The following SEC22B variants were observed in gnomAD, a reference collection of about 807,000 sequenced individuals.
SEC22B encodes the protein vesicle-trafficking protein SEC22b.
SEC22B carries 10 observed loss-of-function variants against 31.4 expected under a neutral mutation model. The observed-to-expected ratio is 0.32, with a 90% CI of 0.20 to 0.54. The LOEUF (loss-of-function observed/expected upper bound fraction) is 0.54. Ranked by LOEUF, SEC22B falls within the 20% of genes least tolerant of loss-of-function variation. The pLI, the probability that SEC22B is intolerant of heterozygous loss-of-function variation, is 0.94. For synonymous variants in SEC22B, 60 were observed against 95.9 expected, an observed-to-expected ratio of 0.63 and a Z score of 2.19; for missense variants, 130 against 263.4, an observed-to-expected ratio of 0.49 and a Z score of 3.50.
chr1:120,172,954 T>G (rs1657912518), intron 1 of SEC22B, among the ~76,000 whole-genome samples: 1 of 149,858 alleles, frequency 6.7e-6, no homozygotes, highest in South Asian at 2.1e-4. Flanking sequence ...CCACAATACT[T>G]TTCGTTGCTG....
chr1:120,175,637 C>A (rs1481036088), intron 1 of SEC22B, among the ~76,000 whole-genome samples: 2 of 152,078 alleles, frequency 1.3e-5, no homozygotes, highest in Non-Finnish European at 2.9e-5. Context: ...CTTTTGAGCA[C>A]CTACTAGCAT....
rs2101123628 is a variant in SEC22B at position 120,152,012 on chromosome 1, G to A, written c.*5026C>T. 6.6e-6 allele frequency: 1 copy of A among 152,204 alleles called. No individual in the cohort carries two copies. The highest frequency in any genetic ancestry group is 1.9e-4 in the East Asian group (1 of 5,190). 9.4% of individuals were successfully genotyped at this position (152,204 alleles called of 1,614,324 possible). On this transcript the variant is annotated 3_prime_UTR_variant, in exon 5 of 5. Transcript: ENST00000578049. Reference sequence around the variant, plus strand: ...TATCTTTGAGAACAATGGAGTGGAGGTATGCTTTAGATGCAATTATTTATG... The same window carrying A: ...TATCTTTGAGAACAATGGAGTGGAGATATGCTTTAGATGCAATTATTTATG...
Position 120,156,592 on chromosome 1 carries a change from T to C in SEC22B, c.*446A>G, listed in dbSNP as rs1657629061. 1.4e-5 allele frequency: 2 copies of C among 141,988 alleles called. No homozygotes were observed. Among genetic ancestry groups the C allele is most frequent in the South Asian group, 4.6e-4 (2 of 4,386 alleles). The allele number at this position is 141,988 out of a possible 1,614,324, so 8.8% of individuals were successfully genotyped here. A position where few individuals can be genotyped will look rare whatever the true frequency, so the allele number is the denominator to read the frequency against. ...ACAAATGTCACCAACAAAAGGAATGTTGATTAGAGTCAAAAAAAAAAAAAA... is the reference window on the plus strand; with the variant it reads ...ACAAATGTCACCAACAAAAGGAATGCTGATTAGAGTCAAAAAAAAAAAAAA... On this transcript the variant is annotated 3_prime_UTR_variant, in exon 5 of 5. Transcript: ENST00000578049.
At position 120,153,044 on chromosome 1, in the gene SEC22B, A is replaced by G. The variant is rs1465584859; in HGVS notation, c.*3994T>C. ...AAATTTCTAGTGACTTTTCTAATCC[A>G]AACATGAATTGTTACAGTACTTGAA... is the stretch of plus-strand genomic sequence containing the variant. On this transcript the variant is annotated 3_prime_UTR_variant, in exon 5 of 5. Coordinates refer to ENST00000578049, the MANE Select transcript of SEC22B (RefSeq NM_004892.6). 1 of 151,018 alleles carries G rather than the reference A, an allele frequency of 6.6e-6. No homozygotes were observed. The highest frequency in any genetic ancestry group is 1.5e-5 in the Non-Finnish European group (1 of 67,952). 9.4% of individuals were successfully genotyped at this position (151,018 alleles called of 1,614,324 possible). A position where few individuals can be genotyped will look rare whatever the true frequency, so the allele number is the denominator to read the frequency against.
chr1:120,161,137 C>A (rs1331109523), intron 3 of SEC22B, among the ~76,000 whole-genome samples: 1 of 152,024 alleles, frequency 6.6e-6, no homozygotes, highest in Non-Finnish European at 1.5e-5. Flanking sequence ...CTATAGTAAG[C>A]CTTTCCTGAA....
In SEC22B at chr1:120,152,294, T is replaced by C. The variant is rs1570862584; in HGVS notation, c.*4744A>G. The C allele has an allele frequency of 1.3e-5, 2 of 150,348 alleles. No individual in the cohort carries two copies. The highest frequency in any genetic ancestry group is 4.9e-5 in the African/African-American group (2 of 40,476). The allele number at this position is 150,348 out of a possible 1,614,324, so 9.3% of individuals were successfully genotyped here. On this transcript the variant is annotated 3_prime_UTR_variant, in exon 5 of 5. Coordinates refer to ENST00000578049, the MANE Select transcript of SEC22B (RefSeq NM_004892.6). ...AGAGTATAGTATATTATAAAATCAA[T>C]AAAAGGTAAGATAAATTTAGGCCTA...
chr1:120,171,258 G>T (rs1657891678), intron 1 of SEC22B, among the ~76,000 whole-genome samples: 1 of 123,924 alleles, frequency 8.1e-6, no homozygotes, highest in Non-Finnish European at 1.5e-5. Flanking sequence ...ATCTTAAAAG[G>T]ACTAGTTGAA....
In SEC22B at chr1:120,154,239, G is replaced by T. The variant is rs1239791273; in HGVS notation, c.*2799C>A. The T allele has an allele frequency of 6.6e-6, 1 of 151,984 alleles. No individual in the cohort carries two copies. The highest frequency in any genetic ancestry group is 6.6e-5 in the Admixed American group (1 of 15,252). 9.4% of individuals were successfully genotyped at this position (151,984 alleles called of 1,614,324 possible). ...GGTGGTAATATAGCGTAAGAGCACA[G>T]ACTCTGGAGCCAAACTGCCTAGGTT... On this transcript the variant is annotated 3_prime_UTR_variant, in exon 5 of 5. Transcript: ENST00000578049.
rs1479731935 is a variant in SEC22B at position 120,152,056 on chromosome 1, T to C, written c.*4982A>G. The C allele has an allele frequency of 5.3e-5, 8 of 152,232 alleles. No homozygotes were observed. Among genetic ancestry groups the C allele is most frequent in the Admixed American group, 3.9e-4 (6 of 15,284 alleles). The allele number at this position is 152,232 out of a possible 1,614,324, so 9.4% of individuals were successfully genotyped here. ...ATTTATGGGATATTCAAAACAGATA[T>C]ATATGAAGCAAAAAACTTGGGCCCA... On this transcript the variant is annotated 3_prime_UTR_variant, in exon 5 of 5. Transcript: ENST00000578049.
intron 2 of SEC22B, among the ~76,000 whole-genome samples, chr1:120,167,299 A>G (rs1196139516): frequency 3.3e-5 from 5 of 151,908 alleles, no homozygotes; most frequent in Non-Finnish European, 7.4e-5. Flanking sequence ...AAACAAGTGT[A>G]AGCAACATTC....
chr1:120,155,146 G>A lies in SEC22B; in HGVS notation c.*1892C>T, dbSNP rs1232919095. The A allele has an allele frequency of 1.0e-5, 1 of 100,022 alleles. No homozygotes were observed. The highest frequency in any genetic ancestry group is 9.3e-5 in the Admixed American group (1 of 10,732). The allele number at this position is 100,022 out of a possible 1,614,324, so 6.2% of individuals were successfully genotyped here. ...TAGCCCAACAAGATTAGATAGAAAT[G>A]TATCTACAAAGGATATATGTATATA... On this transcript the variant is annotated 3_prime_UTR_variant, in exon 5 of 5. Transcript: ENST00000578049.
At chr1:120,170,061 C>G (rs1657870694) in intron 1 of SEC22B, among the ~76,000 whole-genome samples, 1 of 146,250 alleles carries the variant, frequency 6.8e-6, no homozygotes. Flanking sequence ...ATCTATGAAC[C>G]AGGAATAGGC....
chr1:120,173,124 A>T (rs1657916610), intron 1 of SEC22B, among the ~76,000 whole-genome samples: 1 of 116,138 alleles, frequency 8.6e-6, no homozygotes, highest in Non-Finnish European at 1.7e-5. Context: ...CTCTAAAAGC[A>T]GTTACAGTAA....
chr1:120,170,884 G>A (rs1657885527), intron 1 of SEC22B, among the ~76,000 whole-genome samples: 1 of 137,796 alleles, frequency 7.3e-6, no homozygotes, highest in Admixed American at 6.8e-5. Context: ...TGTTTCCCCA[G>A]TGCCATTCTG....
intron 1 of SEC22B, among the ~76,000 whole-genome samples, chr1:120,171,455 G>A (rs2101132468): frequency 9.5e-6 from 1 of 105,168 alleles, no homozygotes; most frequent in South Asian, 3.0e-4. Flanking sequence ...ATACAACACT[G>A]GGGATGTATT....
chr1:120,176,330 C>A lies in SEC22B; in HGVS notation c.52G>T (p.Ala18Ser), dbSNP rs1657963891. The A allele has an allele frequency of 3.7e-6, 6 of 1,612,008 alleles. No homozygotes were observed. Among genetic ancestry groups the A allele is most frequent in the African/African-American group, 1.3e-5 (1 of 74,908 alleles). The stretch of plus-strand genomic sequence containing the variant: ...ACCTGTTCGTCCTCCTGCATCGAGG[C>A]GGCCAGCGGGAGCCCGTCCGCCACT... ...ARVADGLPLA[A>S]SMQEDEQSGR... The change falls in exon 1 of 5, where the codon GCC (alanine) becomes TCC (serine). Residue 18 changes from alanine to serine, a missense_variant. By Grantham distance (99) the Ala-to-Ser change is moderately conservative. Coordinates refer to ENST00000578049, the MANE Select transcript of SEC22B (RefSeq NM_004892.6).
At chr1:120,159,403 C>T (rs1657679284) in intron 4 of SEC22B, 1 of 151,788 alleles carries the variant, frequency 6.6e-6, no homozygotes, top group Non-Finnish European at 1.5e-5. Context: ...GCACTCCAGC[C>T]TGGGCAACAG....
At chr1:120,161,667 C>G (rs1198437526) in intron 3 of SEC22B, among the ~76,000 whole-genome samples, 1 of 151,726 alleles carries the variant, frequency 6.6e-6, no homozygotes, top group Non-Finnish European at 1.5e-5. Context: ...CCACTGCACC[C>G]CAGCCTGGGC....
At chr1:120,172,841 A>G (rs1271688361) in intron 1 of SEC22B, among the ~76,000 whole-genome samples, 12 of 119,258 alleles carry the variant, frequency 1.0e-4, no homozygotes, top group African/African-American at 1.9e-4. Flanking sequence ...GTGGATCAGA[A>G]TAACTGGAAA....
Sources: gnomAD v4.1 joint callset for allele counts (sites outside exome capture counted in the v4.1 genomes callset) on GRCh38, gnomAD v4.1.1 for gene constraint, MANE v1.5 for transcripts, NCBI Gene and HGNC (gene_info 2026-07-23, HGNC 2026-07-21) for gene names.